Variants in XYLT2 observed in about 807,000 individuals in gnomAD.
The protein encoded by XYLT2 is xylosyltransferase 2.
XYLT2 carries 37 observed loss-of-function variants against 82.6 expected under a neutral mutation model. That is an observed-to-expected ratio of 0.45 (90% CI 0.34 to 0.59). The LOEUF is 0.59. Ranked by LOEUF, XYLT2 falls within the 20% of genes least tolerant of loss-of-function variation. The pLI is 0.01. For synonymous variants in XYLT2, 474 were observed against 499.0 expected, an observed-to-expected ratio of 0.95 and a Z score of 0.67; for missense variants, 934 against 1,181.3, an observed-to-expected ratio of 0.79 and a Z score of 3.07.
chr17:50,360,128 C>T lies in XYLT2; in HGVS notation c.2435C>T (p.Thr812Ile). Residue 812 changes from threonine (T) to isoleucine (I), a missense_variant, in exon 11 of 11, where the codon ACA becomes ATA. Around this residue, in one of 3 missense-constraint regions of XYLT2, gnomAD observed 374 missense variants for 465.6 expected, o/e 0.80. Coordinates refer to ENST00000017003, the MANE Select transcript of XYLT2 (RefSeq NM_022167.4). ...QLTGPALEAW[T>I]DRELSSFWSV... is the part of the protein sequence containing the mutation. The stretch of plus-strand genomic sequence containing the variant: ...ACAGGCCCTGCGCTCGAGGCCTGGA[C>T]AGACAGGGAACTGAGCAGCTTCTGG... 6.2e-7 allele frequency: 1 copy of T among 1,613,992 alleles called. No individual in the cohort carries two copies. The highest frequency in any genetic ancestry group is 8.5e-7 in the Non-Finnish European group (1 of 1,179,956).
Position 50,346,865 on chromosome 17 carries a change from G to C in XYLT2, c.135+590G>C. 1 of 985,372 alleles carries C rather than the reference G, an allele frequency of 1.0e-6. No individual in the cohort carries two copies. The highest frequency in any genetic ancestry group is 1.2e-6 in the Non-Finnish European group (1 of 829,924). 61.0% of individuals were successfully genotyped at this position (985,372 alleles called of 1,614,324 possible). On this transcript the variant is annotated intron_variant, in intron 1 of 10. Coordinates refer to ENST00000017003, the MANE Select transcript of XYLT2 (RefSeq NM_022167.4). The surrounding 1 kb of genome is among the most constrained non-coding windows in gnomAD (Gnocchi z 5.1). Reference sequence around the variant, plus strand: ...AGAACTGGAGTATTCCCGAGGTGTGGCTTCCTCAGCCGGGGGTTTGAAGAA... The same window carrying C: ...AGAACTGGAGTATTCCCGAGGTGTGCCTTCCTCAGCCGGGGGTTTGAAGAA...
rs552399608 is a variant in XYLT2 at position 50,354,639 on chromosome 17, G to A, written c.804+56G>A. On this transcript the variant is annotated intron_variant, in intron 3 of 10. Coordinates refer to ENST00000017003, the MANE Select transcript of XYLT2 (RefSeq NM_022167.4). ...GGGATGAGCAGAGCAGAAACAGAAG[G>A]TTGCAGACAGACAGAGTCTCTGACC... The A allele has an allele frequency of 1.2e-5, 19 of 1,562,834 alleles. No individual in the cohort carries two copies. The East Asian group carries it at 1.6e-4, about 13-fold the overall frequency.
At chr17:50,354,640 T>G (rs564734744) in intron 3 of XYLT2, 57 bp downstream of exon 3, 263 of 1,562,700 alleles carry the variant, frequency 1.7e-4, no homozygotes, top group Non-Finnish European at 2.2e-4. Flanking sequence ...AAACAGAAGG[T>G]TGCAGACAGA....
Position 50,355,567 on chromosome 17 carries a change from C to T in XYLT2, c.1074C>T (p.Gly358=). Residue 358 remains glycine, a synonymous_variant, in exon 5 of 11, where the codon GGC becomes GGT. Coordinates refer to ENST00000017003, the MANE Select transcript of XYLT2 (RefSeq NM_022167.4). Reference sequence around the variant, plus strand: ...ACAAGAATTTCCTCAAGTCACATGGCCGGGACAACTCCAGGTGAGGGGGTG... The same window carrying T: ...ACAAGAATTTCCTCAAGTCACATGGTCGGGACAACTCCAGGTGAGGGGGTG... ...NRDKNFLKSH[G]RDNSRFIKKQ... The T allele has an allele frequency of 6.2e-7, 1 of 1,614,094 alleles. No homozygotes were observed. Among genetic ancestry groups the T allele is most frequent in the Non-Finnish European group, 8.5e-7 (1 of 1,180,000 alleles).
At chr17:50,356,461 C>T (rs777228251) in intron 7 of XYLT2, 50 bp from the exon 8 acceptor site, 2 of 1,596,136 alleles carry the variant, frequency 1.3e-6, no homozygotes, top group South Asian at 2.3e-5. Context: ...CCCCACCATG[C>T]CCTCTGGGGC....
At position 50,360,892 on chromosome 17, in the gene XYLT2, T is replaced by G. The variant is rs1912780730; in HGVS notation, c.*601T>G. On this transcript the variant is annotated 3_prime_UTR_variant, in exon 11 of 11. Transcript: ENST00000017003. ...AGCTGGGCTCTAGCAGGACAGTTCT[T>G]TTGTAGCCAGGGGACCCTAGAAGTG... 1.0e-6 allele frequency: 1 copy of G among 985,764 alleles called. No individual in the cohort carries two copies. Among genetic ancestry groups the G allele is most frequent in the Admixed American group, 6.1e-5 (1 of 16,266 alleles). The allele number at this position is 985,764 out of a possible 1,614,324, so 61.1% of individuals were successfully genotyped here. A position where few individuals can be genotyped will look rare whatever the true frequency, so the allele number is the denominator to read the frequency against.
At position 50,360,097 on chromosome 17, in the gene XYLT2, C is replaced by G. The variant is rs1360468654; in HGVS notation, c.2404C>G (p.Gln802Glu). The G allele has an allele frequency of 6.2e-7, 1 of 1,613,984 alleles. No individual in the cohort carries two copies. The highest frequency in any genetic ancestry group is 1.7e-5 in the Admixed American group (1 of 60,036). ...GGAGGAGGCTGCCCAGCGGCACACACAGCTCACAGGCCCTGCGCTCGAGGC... is the reference window on the plus strand; with the variant it reads ...GGAGGAGGCTGCCCAGCGGCACACAGAGCTCACAGGCCCTGCGCTCGAGGC... ...LAEEAAQRHT[Q>E]LTGPALEAWT... Residue 802 changes from glutamine (Q) to glutamate (E), a missense_variant, in exon 11 of 11, where the codon CAG (glutamine) becomes GAG (glutamate). Coordinates refer to ENST00000017003, the MANE Select transcript of XYLT2 (RefSeq NM_022167.4).
At chr17:50,353,085 TG>T (rs1161604102) in intron 1 of XYLT2, among the ~76,000 whole-genome samples, 1 of 152,198 alleles carries the variant, frequency 6.6e-6, no homozygotes, top group Non-Finnish European at 1.5e-5. Context: ...TAAGCAGTAT[TG>T]GGGTCTCAGG....
Position 50,354,860 on chromosome 17 carries a change from G to C in XYLT2, c.811G>C (p.Asp271His). 1 of 1,613,420 alleles carries C rather than the reference G, an allele frequency of 6.2e-7. No homozygotes were observed. Among genetic ancestry groups the C allele is most frequent in the South Asian group, 1.1e-5 (1 of 91,064 alleles). ...AGTGTCTCCTCCCCACCAGCGTTCC[G>C]ACTACCTGCACCGGGAGGTGGTGGA... ...FFYIHVDKRSDYLHREVVELA... is the reference protein window; with the variant it reads ...FFYIHVDKRSHYLHREVVELA... Residue 271 changes from aspartate (D) to histidine (H), a missense_variant, in exon 4 of 11, where the codon GAC becomes CAC. Coordinates refer to ENST00000017003, the MANE Select transcript of XYLT2 (RefSeq NM_022167.4).
In XYLT2 at chr17:50,356,673, G is replaced by C. The variant is rs746468027; in HGVS notation, c.1645G>C (p.Gly549Arg). 1 of 1,613,626 alleles carries C rather than the reference G, an allele frequency of 6.2e-7. No individual in the cohort carries two copies. The highest frequency in any genetic ancestry group is 8.5e-7 in the Non-Finnish European group (1 of 1,180,020). ...CTACGACGCGGCTGATGGCCCCAGT[G>C]GGCTCAGTGATGTCATGCTCACTGC... ...NTYDAADGPS[G>R]LSDVMLTAYT... The change falls in exon 8 of 11, where the codon GGG becomes CGG. Residue 549 changes from glycine (G) to arginine (R), a missense_variant. Transcript: ENST00000017003.
chr17:50,354,848 C>G lies in XYLT2; in HGVS notation c.805-6C>G, dbSNP rs372647172. 1.9e-5 allele frequency: 31 copies of G among 1,613,134 alleles called. No individual in the cohort carries two copies. In the African/African-American group the frequency reaches 2.9e-4, roughly 15 times the overall value. Reference sequence around the variant, plus strand: ...GGAGGCTAGCTGAGTGTCTCCTCCCCACCAGCGTTCCGACTACCTGCACCG... The same window carrying G: ...GGAGGCTAGCTGAGTGTCTCCTCCCGACCAGCGTTCCGACTACCTGCACCG... On this transcript the variant is annotated splice_region_variant and splice_polypyrimidine_tract_variant and intron_variant, in intron 3 of 10. Transcript: ENST00000017003.
rs1046900912 is a variant in XYLT2, at chr17:50,356,504, A to G, written c.1483-7A>G. On this transcript the variant is annotated splice_region_variant and splice_polypyrimidine_tract_variant and intron_variant, in intron 7 of 10. Coordinates refer to ENST00000017003, the MANE Select transcript of XYLT2 (RefSeq NM_022167.4). ...GCCCTTCACCCTCCTTGCCTCTCCC[A>G]CTCCAGCAAGTCTCCAGACCCACCT... The G allele has an allele frequency of 1.1e-5, 18 of 1,612,578 alleles. No individual in the cohort carries two copies. The highest frequency in any genetic ancestry group is 1.4e-5 in the Non-Finnish European group (17 of 1,179,498).
At position 50,354,180 on chromosome 17, in the gene XYLT2, C is replaced by T. The variant is rs529912476; in HGVS notation, c.628+58C>T. 37 of 1,594,448 alleles carry T rather than the reference C, an allele frequency of 2.3e-5. No individual in the cohort carries two copies. In the Admixed American group the frequency reaches 5.2e-4, roughly 22 times the overall value. ...GCGGGGGCAGGGGGGTGGCATGGCC[C>T]GGATCCTCACCCCTATCTCTCTGAG... On this transcript the variant is annotated intron_variant, in intron 2 of 10. Coordinates refer to ENST00000017003, the MANE Select transcript of XYLT2 (RefSeq NM_022167.4).
chr17:50,357,977 G>A, intron 9 of XYLT2: 3 of 556,102 alleles, frequency 5.4e-6, no homozygotes, highest in South Asian at 5.2e-5. Flanking sequence ...TCCCCAATAA[G>A]GGGGACTGAC....
intron 1 of XYLT2, chr17:50,347,052 C>G: frequency 2.0e-6 from 1 of 488,716 alleles, no homozygotes; most frequent in Non-Finnish European, 2.7e-6. Context: ...TCTCAGCCCC[C>G]AAGTCCCTGC....
At chr17:50,349,503 CT>C (rs1912167425) in intron 1 of XYLT2, among the ~76,000 whole-genome samples, 1 of 152,244 alleles carries the variant, frequency 6.6e-6, no homozygotes, top group Non-Finnish European at 1.5e-5. Flanking sequence ...AATCTCAGCA[CT>C]TTGGGAGGCC....
At position 50,361,175 on chromosome 17, in the gene XYLT2, C is replaced by G. The variant is rs2143254794; in HGVS notation, c.*884C>G. The G allele has an allele frequency of 2.0e-6, 2 of 983,830 alleles. No homozygotes were observed. The highest frequency in any genetic ancestry group is 2.4e-6 in the Non-Finnish European group (2 of 828,050). The allele number at this position is 983,830 out of a possible 1,614,324, so 60.9% of individuals were successfully genotyped here. On this transcript the variant is annotated 3_prime_UTR_variant, in exon 11 of 11. Coordinates refer to ENST00000017003, the MANE Select transcript of XYLT2 (RefSeq NM_022167.4). ...TACTCTGGGCTCTGTGTTTTTCCTC[C>G]TGGGTGTCAGGAAGCCATCACCATT...
At chr17:50,357,026 G>A (rs1483181417) in intron 8 of XYLT2, 31 bp from the exon 9 acceptor site, 5 of 1,564,606 alleles carry the variant, frequency 3.2e-6, no homozygotes, top group African/African-American at 2.7e-5. Context: ...TGTGCTGATG[G>A]CATCTCCCTT....
At chr17:50,357,527 G>A (rs975807397) in intron 9 of XYLT2, 16 of 388,540 alleles carry the variant, frequency 4.1e-5, no homozygotes, top group South Asian at 7.5e-5. Flanking sequence ...CAGAGATTTC[G>A]CCTAGAGGGG....
Sources: allele counts gnomAD v4.1 joint callset (sites outside exome capture counted in the v4.1 genomes callset), GRCh38; gene constraint gnomAD v4.1.1; regional missense constraint gnomAD v4.1.1; non-coding constraint Gnocchi (gnomAD v3.1); transcripts MANE v1.5; gene names NCBI Gene and HGNC (gene_info 2026-07-23, HGNC 2026-07-21).